STK32C: variants seen among roughly 807,000 people sequenced by gnomAD.
STK32C encodes serine/threonine kinase 32C.
A neutral mutation model predicts 56.5 loss-of-function variants in STK32C; 31 were observed. The observed-to-expected ratio is 0.55, with a 90% CI of 0.41 to 0.74. STK32C has a LOEUF of 0.74. STK32C is among the 30% of genes least tolerant of loss of function. STK32C has a pLI of 0.00. For synonymous variants in STK32C, 309 were observed against 289.4 expected (o/e 1.07, Z -0.69); for missense variants, 544 against 676.9 (o/e 0.80, Z 2.18).
chr10:132,227,626 G>A (rs2062940337), intron 3 of STK32C, among the ~76,000 whole-genome samples: 1 of 151,992 alleles, frequency 6.6e-6, no homozygotes, highest in Admixed American at 6.6e-5. Flanking sequence ...GGTGGTGATG[G>A]TGATGGTGAT....
At chr10:132,244,035 C>T (rs1290031178) in intron 2 of STK32C, among the ~76,000 whole-genome samples, 5 of 152,222 alleles carry the variant, frequency 3.3e-5, no homozygotes, top group Non-Finnish European at 5.9e-5. Flanking sequence ...CCCAACCACA[C>T]GCAGAACCAC....
Position 132,253,555 on chromosome 10 carries a change from GGAGGGAGTC to G in STK32C, c.263-7609_263-7601del, listed in dbSNP as rs375699884. On this transcript the variant is annotated intron_variant, in intron 1 of 11. Transcript: ENST00000298630. ...GGAGCTGGAGGGAGTCGAGGGAGCT[GGAGGGAGTC>G]GAGGGAGCTGGAGGGAGCTGGAGGG... Among the ~76,000 whole-genome samples, 60 of 141,050 alleles carry G rather than the reference GGAGGGAGTC, an allele frequency of 4.3e-4. 1 individual carries two copies. Among genetic ancestry groups the G allele is most frequent in the African/African-American group, 1.3e-3 (49 of 36,346 alleles). 92.5% of individuals were successfully genotyped at this position (141,050 alleles called of 152,430 possible). A position where few individuals can be genotyped will look rare whatever the true frequency, so the allele number is the denominator to read the frequency against.
At chr10:132,286,741 G>A (rs1324098428) in intron 1 of STK32C, among the ~76,000 whole-genome samples, 1 of 152,178 alleles carries the variant, frequency 6.6e-6, no homozygotes, top group African/African-American at 2.4e-5. Flanking sequence ...ACTAAGAGGA[G>A]AAGGAGATTT....
At chr10:132,318,519 G>T (rs181053808) in intron 1 of STK32C, among the ~76,000 whole-genome samples, 3,527 of 151,494 alleles carry the variant, frequency 0.023, 76 homozygotes, top group South Asian at 0.04. Flanking sequence ...GGAGGCTGAG[G>T]CAGGGGAATT....
At chr10:132,266,273 A>G (rs1030305733) in intron 1 of STK32C, among the ~76,000 whole-genome samples, 12 of 152,296 alleles carry the variant, frequency 7.9e-5, no homozygotes, top group African/African-American at 2.9e-4. Context: ...GTTCAAGAAC[A>G]GGCTGGACGG....
intron 1 of STK32C, chr10:132,249,165 GC>G (rs2063804103): frequency 7.2e-6 from 3 of 419,342 alleles, no homozygotes; most frequent in Admixed American, 2.5e-5. Flanking sequence ...CGTGCAGGGG[GC>G]GGGGCTATGG....
At chr10:132,258,001 G>A (rs970922040) in intron 1 of STK32C, among the ~76,000 whole-genome samples, 2 of 152,306 alleles carry the variant, frequency 1.3e-5, no homozygotes, top group East Asian at 1.9e-4. Context: ...CCGGGAAATC[G>A]GTCAGGACGA....
chr10:132,225,767 T>C lies in STK32C; in HGVS notation c.662A>G (p.Asn221Ser). 1.2e-6 allele frequency: 2 copies of C among 1,614,142 alleles called. No homozygotes were observed. Among genetic ancestry groups the C allele is most frequent in the Non-Finnish European group, 1.7e-6 (2 of 1,180,014 alleles). ...HIIHRDVKPD[N>S]ILLDERGHAH... ...CACACCTCTCTCATCCAGGAGAATG[T>C]TGTCAGGCTTGACATCTCTAGAAAG... Residue 221 changes from asparagine to serine, a missense_variant, in exon 5 of 12, where the codon AAC becomes AGC. Asn to Ser is a conservative substitution (Grantham distance 46). Coordinates refer to ENST00000298630, the MANE Select transcript of STK32C (RefSeq NM_173575.4).
At chr10:132,221,202 C>T (rs1195946411) in intron 10 of STK32C, among the ~76,000 whole-genome samples, 4 of 151,604 alleles carry the variant, frequency 2.6e-5, no homozygotes, top group African/African-American at 7.3e-5. Context: ...GTGGCTGTCC[C>T]GGCACACACA....
chr10:132,319,993 C>T (rs1014247142), downstream of STK32C, among the ~76,000 whole-genome samples: 1 of 142,124 alleles, frequency 7.0e-6, no homozygotes, highest in Non-Finnish European at 1.5e-5. Flanking sequence ...GTTCAAGCAA[C>T]AATGAGAAAA....
At chr10:132,211,328 G>T (rs900940025) in intron 10 of STK32C, among the ~76,000 whole-genome samples, 1 of 152,238 alleles carries the variant, frequency 6.6e-6, no homozygotes, top group Non-Finnish European at 1.5e-5. Flanking sequence ...AGGTGGGAGG[G>T]GCTGGGGTGG....
At chr10:132,258,176 A>G (rs57695648) in intron 1 of STK32C, among the ~76,000 whole-genome samples, 2,478 of 152,310 alleles carry the variant, frequency 0.016, 74 homozygotes, top group African/African-American at 0.055. Context: ...AGAGGGGGGC[A>G]GCTGCCTCTC....
At chr10:132,277,519 T>C (rs1030912039) in intron 1 of STK32C, among the ~76,000 whole-genome samples, 2 of 152,226 alleles carry the variant, frequency 1.3e-5, no homozygotes, top group African/African-American at 4.8e-5. Context: ...CCTTGCTGGA[T>C]GGCAGCTGGA....
At chr10:132,247,362 G>A (rs1390516358) in intron 1 of STK32C, among the ~76,000 whole-genome samples, 1 of 152,192 alleles carries the variant, frequency 6.6e-6, no homozygotes, top group Non-Finnish European at 1.5e-5. Context: ...CAGCATAGAC[G>A]CAGCAGGCAA....
At chr10:132,323,937 C>T, downstream of STK32C, 1 of 293,220 alleles carries the variant, frequency 3.4e-6, no homozygotes, top group South Asian at 8.1e-5. This position sits in a 1 kb window ranked among gnomAD's most constrained non-coding sequence, Gnocchi z 4.8. Flanking sequence ...GTTATAATAA[C>T]CCAACCTGTG....
intron 10 of STK32C, among the ~76,000 whole-genome samples, chr10:132,217,577 T>C (rs990325303): frequency 6.6e-6 from 1 of 152,188 alleles, no homozygotes; most frequent in African/African-American, 2.4e-5. Flanking sequence ...GGTTTGGCTC[T>C]GTCCCCATCC....
rs186906079 is a variant in STK32C, at chr10:132,238,838, G to A, written c.318+7062C>T. On this transcript the variant is annotated intron_variant, in intron 2 of 11. Coordinates refer to ENST00000298630, the MANE Select transcript of STK32C (RefSeq NM_173575.4). ...CACACACAGAGGCATGCACACACAC[G>A]CAACACACAGACATGCAGGCACACA... Among the ~76,000 whole-genome samples, 483 of 152,092 alleles carry A rather than the reference G, an allele frequency of 3.2e-3. 3 individuals are homozygous for A. Among genetic ancestry groups the A allele is most frequent in the Non-Finnish European group, 2.6e-3 (177 of 67,972 alleles).
intron 1 of STK32C, among the ~76,000 whole-genome samples, chr10:132,313,283 C>T (rs1007464799): frequency 6.6e-6 from 1 of 152,234 alleles, no homozygotes; most frequent in East Asian, 1.9e-4. Context: ...TCTACCCTTA[C>T]AGCAGCTAAC....
At chr10:132,212,345 T>G (rs776414192) in intron 10 of STK32C, among the ~76,000 whole-genome samples, 66 of 152,342 alleles carry the variant, frequency 4.3e-4, no homozygotes, top group Middle Eastern at 3.4e-3. Context: ...CAGCAAATGG[T>G]GCTAGGACAG....
Sources: gnomAD v4.1 joint callset for allele counts (sites outside exome capture counted in the v4.1 genomes callset) on GRCh38, gnomAD v4.1.1 for gene constraint, Gnocchi (gnomAD v3.1) non-coding constraint, MANE v1.5 for transcripts, NCBI Gene and HGNC (gene_info 2026-07-23, HGNC 2026-07-21) for gene names.